Variants in CABYR observed in about 807,000 individuals in gnomAD.
The protein encoded by CABYR is calcium binding tyrosine phosphorylation regulated.
CABYR carries 31 observed loss-of-function variants against 36.1 expected under a neutral mutation model. The observed-to-expected ratio is 0.86, with a 90% CI of 0.64 to 1.16. The LOEUF is 1.16. CABYR is among the 50% of genes most tolerant of loss of function. The pLI is 0.00. For synonymous variants in CABYR, 146 were observed against 160.7 expected (o/e 0.91, Z 0.69); for missense variants, 429 against 455.8 (o/e 0.94, Z 0.53).
rs954291756 is a variant in CABYR at position 24,155,890 on chromosome 18, G to A, written c.389G>A (p.Gly130Asp). The change falls in exon 4 of 6, where the codon GGC (glycine) becomes GAC (aspartate). Residue 130 changes from glycine to aspartate, a missense_variant. By Grantham distance (94) the Gly-to-Asp change is moderately conservative. Coordinates refer to ENST00000399496, the MANE Select transcript of CABYR (RefSeq NM_153769.3). ...TTTCCATCAGTTTATGCTGTGCCAG[G>A]CACTGAGCAAACGGAAGCAGTTGGT... The part of the protein sequence containing the change: ...TQFPSVYAVP[G>D]TEQTEAVGGL... The A allele has an allele frequency of 3.1e-6, 5 of 1,614,004 alleles. No homozygotes were observed. Among genetic ancestry groups the A allele is most frequent in the East Asian group, 2.2e-5 (1 of 44,898 alleles).
chr18:24,156,376 A>C, intron 4 of CABYR: 1 of 1,614,230 alleles, frequency 6.2e-7, no homozygotes, highest in South Asian at 1.1e-5. Flanking sequence ...TCAACTGTTC[A>C]TATATCATCT....
rs181630645 is a variant in CABYR at position 24,148,080 on chromosome 18, T to C, written c.199+4667T>C. 4.5e-3 allele frequency among the ~76,000 whole-genome samples: 690 copies of C among 152,336 alleles called. 6 individuals carry two copies. Among genetic ancestry groups the C allele is most frequent in the African/African-American group, 0.016 (653 of 41,568 alleles). ...AAAGTGGTGGCAGTGGTGACATTTG[T>C]TCCTTTGATTAAGAAAGGAACACTT... On this transcript the variant is annotated intron_variant, in intron 3 of 5. Coordinates refer to ENST00000399496, the MANE Select transcript of CABYR (RefSeq NM_153769.3).
At chr18:24,161,027 G>T (rs1187625100) in intron 5 of CABYR, 1 of 153,872 alleles carries the variant, frequency 6.5e-6, no homozygotes, top group African/African-American at 2.4e-5. Context: ...TTAAGCAGAA[G>T]AATGACTGAT....
chr18:24,155,689 G>T lies in CABYR; in HGVS notation c.200-12G>T. Reference sequence around the variant, plus strand: ...TAGATGTTAATTAACCCATCTGGTTGTTGTTTTTCAGTAGAGAAATGGTCA... The same window carrying T: ...TAGATGTTAATTAACCCATCTGGTTTTTGTTTTTCAGTAGAGAAATGGTCA... On this transcript the variant is annotated splice_polypyrimidine_tract_variant and intron_variant, in intron 3 of 5. Coordinates refer to ENST00000399496, the MANE Select transcript of CABYR (RefSeq NM_153769.3). The T allele has an allele frequency of 6.5e-7, 1 of 1,548,042 alleles. No individual in the cohort carries two copies. The highest frequency in any genetic ancestry group is 1.3e-5 in the South Asian group (1 of 79,832).
intron 5 of CABYR, 135 bp downstream of exon 5, chr18:24,160,204 G>T: frequency 1.5e-6 from 1 of 674,038 alleles, no homozygotes; most frequent in East Asian, 2.6e-5. Context: ...TAACTTCCTG[G>T]GGTTACTGTC....
At chr18:24,146,025 T>C (rs3786415) in intron 3 of CABYR, among the ~76,000 whole-genome samples, 4,328 of 152,232 alleles carry the variant, frequency 0.028, 160 homozygotes, top group East Asian at 0.16. Context: ...CAACGTGTCA[T>C]TTACAGTTTC....
intron 1 of CABYR, among the ~76,000 whole-genome samples, chr18:24,141,647 C>T (rs1391193084): frequency 1.3e-5 from 2 of 152,116 alleles, no homozygotes; most frequent in African/African-American, 4.8e-5. Context: ...CCTTGTTTTT[C>T]CTATCTTAGT....
chr18:24,152,573 C>T (rs767212625), intron 3 of CABYR: 7 of 152,092 alleles, frequency 4.6e-5, no homozygotes, highest in Non-Finnish European at 7.4e-5. Flanking sequence ...TTTTGTTTAG[C>T]AGGGGACTTC....
intron 3 of CABYR, among the ~76,000 whole-genome samples, chr18:24,146,569 T>C (rs2085464268): frequency 6.6e-6 from 1 of 151,662 alleles, no homozygotes; most frequent in East Asian, 1.9e-4. Flanking sequence ...GTCTATGTCA[T>C]TGCAGTCACA....
chr18:24,159,266 G>GCC (rs2085881953), intron 4 of CABYR, among the ~76,000 whole-genome samples: 1 of 152,166 alleles, frequency 6.6e-6, no homozygotes. Context: ...CCTGCCACTT[G>GCC]CCACCACAAC....
intron 1 of CABYR, among the ~76,000 whole-genome samples, chr18:24,142,246 G>A (rs895674689): frequency 6.6e-6 from 1 of 152,054 alleles, no homozygotes; most frequent in African/African-American, 2.4e-5. Context: ...TTGAACCCAG[G>A]AAGGGGAGGT....
Position 24,159,785 on chromosome 18 carries a change from A to G in CABYR, c.855A>G (p.Ser285=). The change falls in exon 5 of 6, where the codon TCA becomes TCG. Residue 285 remains serine, a synonymous_variant. Transcript: ENST00000399496. ...PLPGHAVVSQ[S]DVLRYVAMQV... is the part of the protein sequence containing the mutation. ...CTGGACATGCTGTCGTTTCACAGTCAGATGTCTTGAGATATGTTGCAATGC... is the reference window on the plus strand; with the variant it reads ...CTGGACATGCTGTCGTTTCACAGTCGGATGTCTTGAGATATGTTGCAATGC... 6.2e-7 allele frequency: 1 copy of G among 1,614,134 alleles called. No homozygotes were observed. Among genetic ancestry groups the G allele is most frequent in the Non-Finnish European group, 8.5e-7 (1 of 1,180,010 alleles).
At chr18:24,142,757 A>G (rs1051221947) in intron 1 of CABYR, among the ~76,000 whole-genome samples, 2 of 152,034 alleles carry the variant, frequency 1.3e-5, no homozygotes, top group Non-Finnish European at 2.9e-5. Context: ...CTTGGAAACT[A>G]TAGTTAACTC....
At chr18:24,156,156 A>G (rs1161147413) in intron 4 of CABYR, 114 bp downstream of exon 4, 1 of 1,614,080 alleles carries the variant, frequency 6.2e-7, no homozygotes, top group Non-Finnish European at 8.5e-7. Flanking sequence ...TGAAGATGTC[A>G]TGGTGGCTGC....
intron 1 of CABYR, among the ~76,000 whole-genome samples, chr18:24,141,808 T>C (rs1394460533): frequency 6.6e-6 from 1 of 152,086 alleles, no homozygotes; most frequent in Non-Finnish European, 1.5e-5. Flanking sequence ...GTATCTCTGA[T>C]ACCACTTAAA....
chr18:24,143,465 C>A, intron 3 of CABYR, 52 bp downstream of exon 3: 1 of 1,003,548 alleles, frequency 1.0e-6, no homozygotes. Flanking sequence ...TTAATTATTG[C>A]ATCATGACTA....
rs11403423 is a variant in CABYR at position 24,142,644 on chromosome 18, G to GTT, written c.-24-436_-24-435dup. ...TAGGCTATTGTTAGTAGGGTTGTGT[G>GTT]TTTTTTTTTTTTAAACTACCATCAA... is the stretch of plus-strand genomic sequence containing the variant. On this transcript the variant is annotated intron_variant, in intron 1 of 5. Coordinates refer to ENST00000399496, the MANE Select transcript of CABYR (RefSeq NM_153769.3). Among the ~76,000 whole-genome samples, 135 of 144,954 alleles carry GTT rather than the reference G, an allele frequency of 9.3e-4. 1 individual carries two copies. In the East Asian group the frequency reaches 0.013, roughly 14 times the overall value.
At chr18:24,160,245 A>C (rs2145889860) in intron 5 of CABYR, 176 bp downstream of exon 5, 2 of 596,736 alleles carry the variant, frequency 3.4e-6, no homozygotes, top group African/African-American at 1.9e-5. Context: ...TTACTAATAA[A>C]TGCACAGCAG....
intron 3 of CABYR, among the ~76,000 whole-genome samples, chr18:24,148,965 G>T (rs1428679355): frequency 6.6e-6 from 1 of 152,058 alleles, no homozygotes; most frequent in Non-Finnish European, 1.5e-5. Flanking sequence ...CGAACAGCCT[G>T]CTTTTATTGT....
Sources: gnomAD v4.1 joint callset for allele counts (sites outside exome capture counted in the v4.1 genomes callset) on GRCh38, gnomAD v4.1.1 for gene constraint, MANE v1.5 for transcripts, NCBI Gene and HGNC (gene_info 2026-07-23, HGNC 2026-07-21) for gene names.